TTC6: variants seen among roughly 807,000 people sequenced by gnomAD.
The protein encoded by TTC6 is tetratricopeptide repeat domain 6.
TTC6 carries 172 observed loss-of-function variants against 210.4 expected under a neutral mutation model. The ratio of observed to expected loss-of-function variants is 0.82; its 90% CI spans 0.72 to 0.93. The LOEUF (loss-of-function observed/expected upper bound fraction) is 0.93. TTC6 is among the 40% of genes least tolerant of loss of function. The probability of loss-of-function intolerance (pLI) is 0.00; values close to 1 mark genes in which losing one functional copy is unlikely to be tolerated. For synonymous variants in TTC6, 804 were observed against 819.6 expected, an observed-to-expected ratio of 0.98 and a Z score of 0.32; for missense variants, 2,414 against 2,318.1, an observed-to-expected ratio of 1.04 and a Z score of -0.85.
chr14:37,838,815 A>G (rs569901176), intron 29 of TTC6, among the ~76,000 whole-genome samples: 1 of 152,024 alleles, frequency 6.6e-6, no homozygotes, highest in African/African-American at 2.4e-5. Context: ...TCCCCCACCC[A>G]CTGACAGGCC....
intron 26 of TTC6, among the ~76,000 whole-genome samples, chr14:37,821,211 GT>G: frequency 6.6e-6 from 1 of 151,936 alleles, no homozygotes; most frequent in East Asian, 1.9e-4. Flanking sequence ...GGGACTACAG[GT>G]GCATACTACC....
chr14:37,752,357 TA>T (rs1265267993), intron 13 of TTC6, among the ~76,000 whole-genome samples: 1 of 151,972 alleles, frequency 6.6e-6, no homozygotes, highest in East Asian at 1.9e-4. Flanking sequence ...AGGAGAATAT[TA>T]TATATTTTGT....
chr14:37,800,473 A>C (rs542968176), intron 20 of TTC6, among the ~76,000 whole-genome samples: 4 of 152,218 alleles, frequency 2.6e-5, no homozygotes, highest in Non-Finnish European at 4.4e-5. Context: ...ACTTCTCCAG[A>C]TGGCAAAAGA....
intron 1 of TTC6, 93 bp from the exon 2 acceptor site, chr14:37,606,570 A>G (rs546528780): frequency 4.8e-6 from 1 of 207,404 alleles, no homozygotes; most frequent in African/African-American, 2.4e-5. Flanking sequence ...TCAGATCAAA[A>G]GTGTCAATAC....
intron 29 of TTC6, among the ~76,000 whole-genome samples, chr14:37,837,891 T>A (rs1398194547): frequency 6.6e-6 from 1 of 152,146 alleles, no homozygotes; most frequent in Non-Finnish European, 1.5e-5. Context: ...GGAAAATAGT[T>A]CAGTGACAGA....
At chr14:37,620,390 A>G (rs1295724510), upstream of TTC6, among the ~76,000 whole-genome samples, 2 of 152,114 alleles carry the variant, frequency 1.3e-5, no homozygotes, top group East Asian at 3.9e-4. Context: ...AAAGACTTCT[A>G]GTTCATTGTA....
At chr14:37,809,176 A>G (rs1423784907) in intron 24 of TTC6, among the ~76,000 whole-genome samples, 5 of 152,056 alleles carry the variant, frequency 3.3e-5, no homozygotes, top group African/African-American at 1.2e-4. Context: ...TTATAGAAGT[A>G]TTTAAAGGCA....
chr14:37,736,062 G>A, intron 8 of TTC6, 52 bp downstream of exon 10: 1 of 919,282 alleles, frequency 1.1e-6, no homozygotes, highest in East Asian at 2.7e-5. Flanking sequence ...TCTGCCTACA[G>A]TCCAGATATT....
At chr14:37,618,555 A>G (rs1202161062), upstream of TTC6, among the ~76,000 whole-genome samples, 3 of 152,194 alleles carry the variant, frequency 2.0e-5, no homozygotes, top group African/African-American at 4.8e-5. Context: ...AATTGCTCCT[A>G]TGAAAAAGAG....
At chr14:37,633,709 G>A (rs373837437) in intron 1 of TTC6, among the ~76,000 whole-genome samples, 3 of 152,216 alleles carry the variant, frequency 2.0e-5, no homozygotes, top group Admixed American at 6.5e-5. Context: ...TTTCAACATC[G>A]TCCAGAAGTA....
intron 7 of TTC6, among the ~76,000 whole-genome samples, chr14:37,732,784 A>AT (rs71127234): frequency 7.9e-5 from 12 of 150,996 alleles, no homozygotes; most frequent in South Asian, 4.2e-4. Flanking sequence ...CGCCCAGCTA[A>AT]TTTTTTTGTA....
At chr14:37,800,092 C>G (rs2096102780) in intron 20 of TTC6, among the ~76,000 whole-genome samples, 1 of 152,104 alleles carries the variant, frequency 6.6e-6, no homozygotes, top group African/African-American at 2.4e-5. Flanking sequence ...AGCTTTAGAA[C>G]AAAGCAGTGG....
intron 1 of TTC6, among the ~76,000 whole-genome samples, chr14:37,661,990 A>G (rs12878124): frequency 0.057 from 8,694 of 152,250 alleles, 383 homozygotes; most frequent in Non-Finnish European, 0.089. Context: ...GTGTACAGGA[A>G]TGCTAGCAAT....
chr14:37,595,923 G>GA (rs775359296), exon 1 of TTC6: 6 of 152,110 alleles, frequency 3.9e-5, no homozygotes, highest in Non-Finnish European at 7.3e-5. Context: ...TGAGTCAGCC[G>GA]AGCCAAGTGA....
At chr14:37,732,245 C>T (rs982957506) in intron 7 of TTC6, among the ~76,000 whole-genome samples, 6 of 127,132 alleles carry the variant, frequency 4.7e-5, no homozygotes, top group Non-Finnish European at 6.2e-5. Flanking sequence ...TGCAGTGGCG[C>T]GATCTAGGCT....
chr14:37,837,399 A>T (rs531451661), intron 29 of TTC6: 13 of 455,610 alleles, frequency 2.9e-5, no homozygotes, highest in South Asian at 2.0e-4. Flanking sequence ...TCTCTTCAGG[A>T]GTGAATCCTC....
intron 2 of TTC6, among the ~76,000 whole-genome samples, chr14:37,682,063 C>G (rs2095785058): frequency 6.6e-6 from 1 of 151,912 alleles, no homozygotes; most frequent in South Asian, 2.1e-4. Flanking sequence ...TGGAAGCAGC[C>G]TAGATGGCTG....
intron 14 of TTC6, among the ~76,000 whole-genome samples, chr14:37,753,877 A>C (rs930248643): frequency 6.6e-6 from 1 of 151,148 alleles, no homozygotes; most frequent in African/African-American, 2.4e-5. Flanking sequence ...TTTCATTTGT[A>C]CATAGCATAG....
rs74614103 is a variant in TTC6 at position 37,641,020 on chromosome 14, CGTCAA to C, written c.939+18022_939+18026del. ...ACTTTAAGAATAATTTTTGTGATAC[CGTCAA>C]GTCATGATTTTCATTTATTGAGTGT... On this transcript the variant is annotated intron_variant, in intron 1 of 30. Coordinates refer to ENST00000553443, the Ensembl canonical transcript of TTC6. Among the ~76,000 whole-genome samples the C allele has an allele frequency of 7.4e-4, 112 of 152,190 alleles. 1 individual carries two copies. The highest frequency in any genetic ancestry group is 1.4e-3 in the Non-Finnish European group (95 of 68,018).
Sources: gnomAD v4.1 joint callset for allele counts (sites outside exome capture counted in the v4.1 genomes callset) on GRCh38, gnomAD v4.1.1 for gene constraint, MANE v1.5 for transcripts, NCBI Gene and HGNC (gene_info 2026-07-23, HGNC 2026-07-21) for gene names.